SETD4: variants seen among roughly 807,000 people sequenced by gnomAD.
SETD4 encodes the protein SET domain-containing protein 4.
Under a neutral mutation model 58.3 loss-of-function variants are expected in SETD4, and 46 were observed. That is an observed-to-expected ratio of 0.79 (90% CI 0.62 to 1.01). The LOEUF is 1.01. Ranked by LOEUF, SETD4 falls within the 50% of genes least tolerant of loss-of-function variation. SETD4 has a pLI of 0.00. For missense variants in SETD4, 490 were observed against 523.3 expected, an observed-to-expected ratio of 0.94 and a Z score of 0.62; for synonymous variants, 190 against 202.6, an observed-to-expected ratio of 0.94 and a Z score of 0.53.
chr21:36,041,214 C>T (rs371667535), intron 8 of SETD4, among the ~76,000 whole-genome samples: 1 of 148,498 alleles, frequency 6.7e-6, no homozygotes, highest in Non-Finnish European at 1.5e-5. Context: ...GATGAGGGGC[C>T]GGAGGCAGGG....
intron 10 of SETD4, among the ~76,000 whole-genome samples, chr21:36,037,497 C>A (rs369636279): frequency 6.7e-6 from 1 of 149,544 alleles, no homozygotes; most frequent in African/African-American, 2.5e-5. Context: ...CCCAGCTACT[C>A]GGGAGGCTGA....
At chr21:36,049,472 T>C (rs2064529408) in intron 4 of SETD4, among the ~76,000 whole-genome samples, 1 of 152,168 alleles carries the variant, frequency 6.6e-6, no homozygotes, top group African/African-American at 2.4e-5. Flanking sequence ...GGAGAATCAC[T>C]TGAACTCGAG....
intron 2 of SETD4, chr21:36,057,478 CT>C: frequency 1.7e-6 from 1 of 595,540 alleles, no homozygotes; most frequent in Non-Finnish European, 3.1e-6. Flanking sequence ...GACCCCATCT[CT>C]TAAAAAAAAA....
intron 4 of SETD4, chr21:36,050,552 C>T (rs542868708): frequency 1.2e-5 from 20 of 1,613,174 alleles, no homozygotes; most frequent in East Asian, 1.1e-4. Flanking sequence ...TCCTGAACTG[C>T]GTTAATAAGT....
intron 3 of SETD4, among the ~76,000 whole-genome samples, chr21:36,055,373 T>C (rs1346131773): frequency 6.6e-6 from 1 of 152,254 alleles, no homozygotes; most frequent in East Asian, 1.9e-4. Context: ...TAGGAGCTCA[T>C]GAGAGTAAAG....
Position 36,038,197 on chromosome 21 carries a change from TC to T in SETD4, c.1140del (p.Ile382TyrfsTer6). On this transcript the variant is annotated frameshift_variant, in exon 10 of 12. Transcript: ENST00000332131. LOFTEE classifies it high-confidence loss of function. ...TCTTCTATGAAATAATAGCATATTT[TC>T]TGGGCTATGTCCAAACTTGTCTTCT... is the stretch of plus-strand genomic sequence containing the variant. ...TNEKTSLDIA[Q>X]KICYYFIEET... is the part of the protein sequence containing the mutation. The T allele has an allele frequency of 6.2e-7, 1 of 1,614,062 alleles. No homozygotes were observed. The highest frequency in any genetic ancestry group is 8.5e-7 in the Non-Finnish European group (1 of 1,179,946).
chr21:36,058,018 AATTTGAAG>A (rs2065075438), intron 2 of SETD4, among the ~76,000 whole-genome samples: 1 of 152,250 alleles, frequency 6.6e-6, no homozygotes, highest in South Asian at 2.1e-4. Flanking sequence ...GGTTACCCTG[AATTTGAAG>A]TCATAAATTT....
chr21:36,058,976 A>G lies in SETD4; in HGVS notation c.-36-52T>C, dbSNP rs993685317. 28 of 1,468,146 alleles carry G rather than the reference A, an allele frequency of 1.9e-5. No homozygotes were observed. The African/African-American group carries it at 3.8e-4, about 20-fold the overall frequency. The allele number at this position is 1,468,146 out of a possible 1,614,324, so 90.9% of individuals were successfully genotyped here. On this transcript the variant is annotated intron_variant, in intron 1 of 11. Transcript: ENST00000332131. The stretch of plus-strand genomic sequence containing the variant: ...TAATTTCTGTGGAAATGCTCAATCT[A>G]AAATAAAAAACATTTCTTTGATTTA...
intron 4 of SETD4, chr21:36,052,930 G>A (rs1237718528): frequency 6.6e-6 from 1 of 152,288 alleles, no homozygotes; most frequent in Non-Finnish European, 1.5e-5. Context: ...CATCACGACT[G>A]CCTCACAGAC....
chr21:36,052,127 G>A lies in SETD4; in HGVS notation c.207+1456C>T, dbSNP rs1163723298. ...TATATATTGGACTTCTTGTGTTTGT[G>A]ATTTTCACCTGTTTAGGAAAGATAA... On this transcript the variant is annotated intron_variant, in intron 4 of 11. Coordinates refer to ENST00000332131, the MANE Select transcript of SETD4 (RefSeq NM_017438.5). Among the ~76,000 whole-genome samples, 4 of 152,214 alleles carry A rather than the reference G, an allele frequency of 2.6e-5. No homozygotes were observed. The East Asian group carries it at 7.7e-4, about 29-fold the overall frequency.
chr21:36,046,010 AC>A lies in SETD4; in HGVS notation c.297del (p.Lys99AsnfsTer16). On this transcript the variant is annotated frameshift_variant and splice_region_variant, in exon 6 of 12. Transcript: ENST00000332131. LOFTEE classifies it high-confidence loss of function. ...AGCAGAGGAGATGGAGGAGGCTTCC[AC>A]CTTTGAAAATTAAAAGCCAGTTTAA... ...IRSYLGAYITKWKPPPSPLLA... is the reference protein window; with the variant it reads ...IRSYLGAYITXWKPPPSPLLA... The A allele has an allele frequency of 6.2e-7, 1 of 1,604,400 alleles. No individual in the cohort carries two copies. Among genetic ancestry groups the A allele is most frequent in the Non-Finnish European group, 8.5e-7 (1 of 1,176,628 alleles).
chr21:36,048,448 A>C (rs776933101), intron 4 of SETD4, 52 bp from the exon 5 acceptor site: 1 of 1,507,382 alleles, frequency 6.6e-7, no homozygotes, highest in Non-Finnish European at 9.2e-7. Context: ...GGAAGGACCC[A>C]TGAGTATGAG....
At position 36,055,525 on chromosome 21, in the gene SETD4, T is replaced by C. The variant is rs1045734570; in HGVS notation, c.169+1584A>G. On this transcript the variant is annotated intron_variant, in intron 3 of 11. Transcript: ENST00000332131. ...CAGAAAAGAAGAGAGAGTCTAAAGATGGAATCCTGCTTAGGAGATTTCCTG... is the reference window on the plus strand; with the variant it reads ...CAGAAAAGAAGAGAGAGTCTAAAGACGGAATCCTGCTTAGGAGATTTCCTG... Among the ~76,000 whole-genome samples the C allele has an allele frequency of 2.0e-5, 3 of 152,300 alleles. No individual in the cohort carries two copies. The South Asian group carries it at 6.2e-4, about 32-fold the overall frequency.
chr21:36,050,748 G>C, intron 4 of SETD4: 1 of 1,612,592 alleles, frequency 6.2e-7, no homozygotes, highest in Middle Eastern at 1.7e-4. Flanking sequence ...GCACCATTTG[G>C]CTGATCTAAG....
chr21:36,051,242 C>T (rs2064665084), intron 4 of SETD4: 1 of 1,604,550 alleles, frequency 6.2e-7, no homozygotes. Flanking sequence ...CTGCTGTTGA[C>T]AACATAAGTG....
rs1237417555 is a variant in SETD4, at chr21:36,057,101, G to T, written c.169+8C>A. 6.2e-7 allele frequency: 1 copy of T among 1,612,960 alleles called. No homozygotes were observed. The highest frequency in any genetic ancestry group is 8.5e-7 in the Non-Finnish European group (1 of 1,178,930). ...GAAAGGGCAGGACAGCTGAAGGCTA[G>T]ATCTTACCTGGAAAACAAGCAGGCG... On this transcript the variant is annotated splice_region_variant and intron_variant, in intron 3 of 11. Transcript: ENST00000332131.
chr21:36,046,636 G>A (rs940370364), intron 5 of SETD4, among the ~76,000 whole-genome samples: 2 of 152,308 alleles, frequency 1.3e-5, no homozygotes, highest in African/African-American at 4.8e-5. Flanking sequence ...AACCAAAACT[G>A]AATATGCTCA....
intron 3 of SETD4, among the ~76,000 whole-genome samples, chr21:36,056,135 T>C (rs1294736034): frequency 1.3e-5 from 2 of 152,216 alleles, no homozygotes; most frequent in African/African-American, 4.8e-5. Context: ...TTCAAAGTCA[T>C]GATGTGTAAC....
At chr21:36,057,456 C>A in intron 2 of SETD4, 2 of 646,200 alleles carry the variant, frequency 3.1e-6, no homozygotes, top group East Asian at 2.7e-5. Context: ...CCCAGCCTGC[C>A]CAACACAGAA....
Sources: allele counts gnomAD v4.1 joint callset (sites outside exome capture counted in the v4.1 genomes callset), GRCh38; gene constraint gnomAD v4.1.1; transcripts MANE v1.5; gene names NCBI Gene and HGNC (gene_info 2026-07-23, HGNC 2026-07-21).